NEK10: variants seen among roughly 807,000 people sequenced by gnomAD.
NEK10 encodes the protein NIMA related kinase 10.
NEK10 carries 122 observed loss-of-function variants against 159.8 expected under a neutral mutation model. The ratio of observed to expected loss-of-function variants is 0.76; its 90% confidence interval spans 0.66 to 0.89. The LOEUF (loss-of-function observed/expected upper bound fraction) is 0.89, where lower values mean the gene tolerates loss of function less well. NEK10 is among the 40% of genes least tolerant of loss of function. The pLI, the probability that NEK10 is intolerant of heterozygous loss-of-function variation, is 0.00. For synonymous variants in NEK10, 466 were observed against 457.1 expected, an observed-to-expected ratio of 1.02 and a Z score of -0.25; for missense variants, 1,342 against 1,323.1, an observed-to-expected ratio of 1.01 and a Z score of -0.22.
Position 27,192,186 on chromosome 3 carries a change from A to T in NEK10, c.2348T>A (p.Ile783Lys), listed in dbSNP as rs771997253. The T allele has an allele frequency of 6.2e-7, 1 of 1,614,070 alleles. No individual in the cohort carries two copies. Among genetic ancestry groups the T allele is most frequent in the Non-Finnish European group, 8.5e-7 (1 of 1,180,008 alleles). The change falls in exon 26 of 36, where the codon ATA (isoleucine) becomes AAA (lysine). Residue 783 changes from isoleucine to lysine, a missense_variant. Ile to Lys is a moderately radical substitution (Grantham distance 102, BLOSUM62 -3). Coordinates refer to ENST00000691995, the MANE Select transcript of NEK10 (RefSeq NM_001394966.1). ...RPDIVEVSSM[I>K]SDVMMKYLDN... is the part of the protein sequence containing the mutation. Reference sequence around the variant, plus strand: ...TAAATATTTCATCATGACATCTGATATCATCGAACTGACTTCTACAATATC... The same window carrying T: ...TAAATATTTCATCATGACATCTGATTTCATCGAACTGACTTCTACAATATC...
Position 27,109,378 on chromosome 3 carries a change from TAAAAA to T in NEK10, c.*1889_*1893del, listed in dbSNP as rs369638958. ...TGGGCAACAGAGTGAGACTCTGTCT[TAAAAA>T]AAAAAAAAAAAAAAAAGAGTTAGAT... On this transcript the variant is annotated 3_prime_UTR_variant, in exon 36 of 36. Transcript: ENST00000691995. Among the ~76,000 whole-genome samples, 3 of 117,264 alleles carry T rather than the reference TAAAAA, an allele frequency of 2.6e-5. No individual in the cohort carries two copies. Among genetic ancestry groups the T allele is most frequent in the African/African-American group, 3.1e-5 (1 of 31,920 alleles). The allele number at this position is 117,264 out of a possible 152,430, so 76.9% of individuals were successfully genotyped here.
intron 30 of NEK10, 193 bp downstream of exon 30, chr3:27,162,508 T>G: frequency 1.2e-6 from 2 of 1,614,178 alleles, no homozygotes; most frequent in Non-Finnish European, 1.7e-6. Context: ...GCTATGGGAC[T>G]GCCACCCTGT....
At chr3:27,308,018 C>T (rs547461675) in intron 10 of NEK10, 73 bp from the exon 11 acceptor site, 2 of 762,586 alleles carry the variant, frequency 2.6e-6, no homozygotes, top group African/African-American at 3.5e-5. Flanking sequence ...CTTTTTCAAA[C>T]TGGTATAAAG....
At chr3:27,205,656 T>G (rs1319262598) in intron 23 of NEK10, among the ~76,000 whole-genome samples, 2 of 139,784 alleles carry the variant, frequency 1.4e-5, no homozygotes, top group South Asian at 2.3e-4. Flanking sequence ...GATAGCCATA[T>G]GTAGAAAGCT....
chr3:27,130,113 A>G (rs1386722325), intron 32 of NEK10, among the ~76,000 whole-genome samples: 1 of 152,156 alleles, frequency 6.6e-6, no homozygotes, highest in East Asian at 1.9e-4. Flanking sequence ...TGAGCCCTAA[A>G]GCAATATATA....
intron 23 of NEK10, chr3:27,206,725 G>A: frequency 1.8e-6 from 1 of 557,956 alleles, no homozygotes; most frequent in Non-Finnish European, 2.3e-6. Flanking sequence ...GGTTAAAGCA[G>A]TGGACTCTAA....
At chr3:27,145,401 A>C (rs2148708814) in intron 30 of NEK10, among the ~76,000 whole-genome samples, 1 of 152,332 alleles carries the variant, frequency 6.6e-6, no homozygotes, top group South Asian at 2.1e-4. Flanking sequence ...TTATTAAAAT[A>C]GTAAATTTGG....
chr3:27,346,193 A>G lies in NEK10; in HGVS notation c.156T>C (p.Ser52=), dbSNP rs769402263. ...CAGACTTCGTCATGCTATTTTGGGC[A>G]CTATCGAAGTTAATGGCTGGAAGCT... The part of the protein sequence containing the change: ...KQQLPAINFD[S]AQNSMTKSEP... Residue 52 remains serine, a synonymous_variant, in exon 4 of 36, where the codon AGT becomes AGC. Transcript: ENST00000691995. 1 of 1,613,742 alleles carries G rather than the reference A, an allele frequency of 6.2e-7. No individual in the cohort carries two copies. The highest frequency in any genetic ancestry group is 1.3e-5 in the African/African-American group (1 of 75,038).
chr3:27,347,047 C>T (rs2149795645), intron 3 of NEK10, among the ~76,000 whole-genome samples: 1 of 152,174 alleles, frequency 6.6e-6, no homozygotes, highest in East Asian at 1.9e-4. Context: ...TTCCAAAGTA[C>T]AAATGAAGGA....
chr3:27,193,805 A>G (rs1195118745), intron 25 of NEK10, among the ~76,000 whole-genome samples: 1 of 151,806 alleles, frequency 6.6e-6, no homozygotes, highest in African/African-American at 2.4e-5. Context: ...ACTTAAAACT[A>G]TTGTAATTAT....
intron 5 of NEK10, among the ~76,000 whole-genome samples, chr3:27,340,398 C>A (rs1437590857): frequency 1.3e-5 from 2 of 152,102 alleles, no homozygotes; most frequent in Non-Finnish European, 2.9e-5. Flanking sequence ...AGGACAAACA[C>A]CTAATGCATG....
At chr3:27,259,599 C>T (rs566263754) in intron 22 of NEK10, among the ~76,000 whole-genome samples, 4 of 152,272 alleles carry the variant, frequency 2.6e-5, no homozygotes, top group South Asian at 4.1e-4. Flanking sequence ...GGTACCAGTA[C>T]CATGCTGTTT....
intron 23 of NEK10, among the ~76,000 whole-genome samples, chr3:27,240,604 A>C (rs1407157094): frequency 6.6e-6 from 1 of 151,910 alleles, no homozygotes; most frequent in African/African-American, 2.4e-5. Flanking sequence ...AGAGACCCTC[A>C]CAGGAGAATA....
At chr3:27,330,961 T>C (rs2046349177) in intron 5 of NEK10, among the ~76,000 whole-genome samples, 2 of 152,050 alleles carry the variant, frequency 1.3e-5, no homozygotes, top group Admixed American at 6.6e-5. Context: ...CCTGGCTGGA[T>C]GCAGTGGCTC....
intron 32 of NEK10, among the ~76,000 whole-genome samples, chr3:27,129,952 T>A (rs777331658): frequency 9.2e-5 from 14 of 152,002 alleles, no homozygotes; most frequent in Non-Finnish European, 1.9e-4. Flanking sequence ...AGTGTTTTAA[T>A]ATCCCAAGCT....
Position 27,352,805 on chromosome 3 carries a change from G to A in NEK10, c.71+7C>T, listed in dbSNP as rs1007493283. ...TAACAATTAGCAAACACTCAGTAGG[G>A]AGTTACCTGATGGTGATTTCTTGCT... On this transcript the variant is annotated splice_region_variant and intron_variant, in intron 2 of 35. Transcript: ENST00000691995. 3 of 1,590,062 alleles carry A rather than the reference G, an allele frequency of 1.9e-6. No homozygotes were observed. The Admixed American group carries it at 5.0e-5, about 27-fold the overall frequency.
At chr3:27,287,391 C>T (rs1035067072) in intron 20 of NEK10, among the ~76,000 whole-genome samples, 1 of 152,194 alleles carries the variant, frequency 6.6e-6, no homozygotes, top group African/African-American at 2.4e-5. Flanking sequence ...AAACCACCAT[C>T]CATTAGTTTT....
At chr3:27,158,219 T>A (rs141865109) in intron 30 of NEK10, among the ~76,000 whole-genome samples, 1 of 152,274 alleles carries the variant, frequency 6.6e-6, no homozygotes, top group African/African-American at 2.4e-5. Flanking sequence ...ATCCCAACAA[T>A]GTATATAATT....
intron 23 of NEK10, among the ~76,000 whole-genome samples, chr3:27,227,369 T>C (rs1469900750): frequency 1.3e-5 from 2 of 152,244 alleles, no homozygotes; most frequent in Admixed American, 6.5e-5. Context: ...CTTGTGGAAG[T>C]TCTCTTCCAT....
Sources: gnomAD v4.1 joint callset for allele counts (sites outside exome capture counted in the v4.1 genomes callset) on GRCh38, gnomAD v4.1.1 for gene constraint, MANE v1.5 for transcripts, NCBI Gene and HGNC (gene_info 2026-07-23, HGNC 2026-07-21) for gene names.